Variants in TRAF1 observed in about 807,000 individuals in gnomAD.
TRAF1 encodes TNF receptor associated factor 1, also known as TNF receptor-associated factor 1.
TRAF1 carries 23 observed loss-of-function variants against 40.9 expected under a neutral mutation model. The observed-to-expected ratio is 0.56, with a 90% confidence interval of 0.40 to 0.80. The LOEUF is 0.80. Among genes scored for constraint, TRAF1 ranks in the 30% least tolerant of loss-of-function variants. The probability of loss-of-function intolerance (pLI) is 0.00; values close to 1 mark genes in which losing one functional copy is unlikely to be tolerated. For missense variants in TRAF1, 477 were observed against 528.7 expected (o/e 0.90, Z 0.96); for synonymous variants, 206 against 218.8 (o/e 0.94, Z 0.52).
At chr9:120,924,003 G>A (rs1383247836) in intron 2 of TRAF1, among the ~76,000 whole-genome samples, 6 of 152,148 alleles carry the variant, frequency 3.9e-5, no homozygotes, top group African/African-American at 1.4e-4. Context: ...CAAACCTGCC[G>A]TGACTGCACT....
intron 4 of TRAF1, 41 bp downstream of exon 4, chr9:120,914,194 C>T (rs111717347): frequency 1.4e-5 from 20 of 1,448,954 alleles, no homozygotes; most frequent in South Asian, 1.1e-4. Context: ...AGGTCTGGAA[C>T]CATAGTGGAT....
At chr9:120,918,016 A>G (rs1169615919) in intron 3 of TRAF1, among the ~76,000 whole-genome samples, 1 of 152,068 alleles carries the variant, frequency 6.6e-6, no homozygotes, top group African/African-American at 2.4e-5. Context: ...TCCTTTTAGG[A>G]AGGGGAAATT....
At chr9:120,914,147 G>A (rs1247002019) in intron 4 of TRAF1, 88 bp downstream of exon 4, 12 of 1,174,816 alleles carry the variant, frequency 1.0e-5, no homozygotes, top group African/African-American at 1.5e-5. Context: ...CTGATGTTAC[G>A]GGAAAATCAT....
rs1237987087 is a variant in TRAF1, at chr9:120,903,879, G to A, written c.*1141C>T. The stretch of plus-strand genomic sequence containing the variant: ...GCCTCTGATGCCACCTGCAAAACTG[G>A]TGGCACCACCTCAAACTCAGCAATG... On this transcript the variant is annotated 3_prime_UTR_variant, in exon 8 of 8. Transcript: ENST00000373887. 6.6e-6 allele frequency: 1 copy of A among 152,260 alleles called. No individual in the cohort carries two copies. The highest frequency in any genetic ancestry group is 2.4e-5 in the African/African-American group (1 of 41,446). 9.4% of individuals were successfully genotyped at this position (152,260 alleles called of 1,614,324 possible).
intron 3 of TRAF1, among the ~76,000 whole-genome samples, chr9:120,918,435 G>A (rs1588151788): frequency 2.6e-5 from 4 of 151,148 alleles, no homozygotes; most frequent in African/African-American, 4.9e-5. Flanking sequence ...AATACTAATA[G>A]TAGTAATACT....
intron 3 of TRAF1, among the ~76,000 whole-genome samples, chr9:120,919,322 T>G (rs1651131147): frequency 6.6e-6 from 1 of 152,236 alleles, no homozygotes; most frequent in Admixed American, 6.5e-5. Context: ...TGTCTGGGTC[T>G]GAGGAGTCTC....
chr9:120,926,223 G>T lies in TRAF1; in HGVS notation c.-148C>A. ...TTCTCTCTGGCTTGTGTGGTTCAAC[G>T]TCACAGCTGAGTCACAGCAGGGATG... On this transcript the variant is annotated 5_prime_UTR_variant, in exon 2 of 8. Coordinates refer to ENST00000373887, the MANE Select transcript of TRAF1 (RefSeq NM_005658.5). 2.3e-6 allele frequency: 2 copies of T among 853,032 alleles called. No individual in the cohort carries two copies. Among genetic ancestry groups the T allele is most frequent in the South Asian group, 4.5e-5 (2 of 44,274 alleles). 52.8% of individuals were successfully genotyped at this position (853,032 alleles called of 1,614,324 possible).
upstream of TRAF1, chr9:120,928,850 A>T (rs1489018279): frequency 1.3e-5 from 2 of 152,112 alleles, no homozygotes; most frequent in Admixed American, 1.3e-4. Context: ...ACCTCCACAT[A>T]TCCAGTTGCG....
At position 120,903,334 on chromosome 9, in the gene TRAF1, G is replaced by A. The variant is rs528751082; in HGVS notation, c.*1686C>T. The A allele has an allele frequency of 2.6e-5, 4 of 152,442 alleles. No homozygotes were observed. The South Asian group carries it at 8.3e-4, about 32-fold the overall frequency. The allele number at this position is 152,442 out of a possible 1,614,324, so 9.4% of individuals were successfully genotyped here. Reference sequence around the variant, plus strand: ...ACCCCTAGAGCTGGAGAGGGCAAGGGAGAGGCTTCCTCTGATCTTCAGCTG... The same window carrying A: ...ACCCCTAGAGCTGGAGAGGGCAAGGAAGAGGCTTCCTCTGATCTTCAGCTG... On this transcript the variant is annotated 3_prime_UTR_variant, in exon 8 of 8. Coordinates refer to ENST00000373887, the MANE Select transcript of TRAF1 (RefSeq NM_005658.5).
rs1417682125 is a variant in TRAF1, at chr9:120,925,979, G to A, written c.97C>T (p.Pro33Ser). The change falls in exon 2 of 8, where the codon CCC becomes TCC. Residue 33 changes from proline to serine, a missense_variant. Coordinates refer to ENST00000373887, the MANE Select transcript of TRAF1 (RefSeq NM_005658.5). ...PPTVCQDPKE[P>S]RALCCAGCLS... ...CAGCCTGCACAGCAGAGAGCCCTGG[G>A]CTCCTTTGGGTCCTGGCAGACGGTG... is the stretch of plus-strand genomic sequence containing the variant. The A allele has an allele frequency of 1.9e-6, 3 of 1,613,680 alleles. No homozygotes were observed. Among genetic ancestry groups the A allele is most frequent in the Non-Finnish European group, 2.5e-6 (3 of 1,179,808 alleles).
rs151037192 is a variant in TRAF1, at chr9:120,913,410, A to G, written c.623T>C (p.Val208Ala). 173 of 1,613,592 alleles carry G rather than the reference A, an allele frequency of 1.1e-4. No homozygotes were observed. The highest frequency in any genetic ancestry group is 1.4e-4 in the Non-Finnish European group (167 of 1,180,000). Reference sequence around the variant, plus strand: ...GGCCAGGGCCAGGTGGGAGGCCTCCACCTCCTTGTTGAGGACAGCAACAAT... The same window carrying G: ...GGCCAGGGCCAGGTGGGAGGCCTCCGCCTCCTTGTTGAGGACAGCAACAAT... ...ENIVAVLNKE[V>A]EASHLALATS... Residue 208 changes from valine to alanine, a missense_variant, in exon 5 of 8, where the codon GTG becomes GCG. By Grantham distance (64) the Val-to-Ala change is moderately conservative. Transcript: ENST00000373887.
At position 120,902,661 on chromosome 9, in the gene TRAF1, C is replaced by T. The variant is rs1359458024; in HGVS notation, c.*2359G>A. 6.6e-6 allele frequency: 1 copy of T among 152,208 alleles called. No homozygotes were observed. Among genetic ancestry groups the T allele is most frequent in the Admixed American group, 6.5e-5 (1 of 15,270 alleles). The allele number at this position is 152,208 out of a possible 1,614,324, so 9.4% of individuals were successfully genotyped here. On this transcript the variant is annotated 3_prime_UTR_variant, in exon 8 of 8. Transcript: ENST00000373887. ...TTCAAGTCGGTACTCTTCCCTTTTC[C>T]CCATCCTCTGCATTTCACAATATTC...
At position 120,926,027 on chromosome 9, in the gene TRAF1, C is replaced by T. The variant is rs2046638212; in HGVS notation, c.49G>A (p.Glu17Lys). The T allele has an allele frequency of 6.2e-7, 1 of 1,612,264 alleles. No homozygotes were observed. Residue 17 changes from glutamate to lysine, a missense_variant, in exon 2 of 8, where the codon GAG (glutamate) becomes AAG (lysine). By Grantham distance (56) the Glu-to-Lys change is moderately conservative. Coordinates refer to ENST00000373887, the MANE Select transcript of TRAF1 (RefSeq NM_005658.5). ...SSPRPAPDEN[E>K]FPFGCPPTVC... ...GTGGGAGGGCACCCAAAGGGAAACT[C>T]ATTCTCATCAGGGGCCGGGCGAGGA... is the stretch of plus-strand genomic sequence containing the variant.
chr9:120,919,760 A>T (rs796667346), intron 3 of TRAF1, among the ~76,000 whole-genome samples: 17 of 152,296 alleles, frequency 1.1e-4, no homozygotes, highest in African/African-American at 4.1e-4. Flanking sequence ...GGTTGAACAT[A>T]GTCTTGCCCA....
intron 7 of TRAF1, 23 bp from the exon 8 acceptor site, chr9:120,905,261 A>G: frequency 6.3e-7 from 1 of 1,584,194 alleles, no homozygotes; most frequent in South Asian, 1.1e-5. Context: ...GATAGGTGGG[A>G]GATCAGGCCC....
At chr9:120,911,242 T>C in intron 6 of TRAF1, 94 bp downstream of exon 6, 3 of 1,411,014 alleles carry the variant, frequency 2.1e-6, no homozygotes, top group Non-Finnish European at 2.9e-6. Context: ...ACACAGCGTG[T>C]CTGTCACAGA....
upstream of TRAF1, chr9:120,926,916 G>T (rs565333191): frequency 6.6e-6 from 1 of 152,200 alleles, no homozygotes; most frequent in East Asian, 1.9e-4. Context: ...AGAACAAAGC[G>T]CTAAACAAAT....
In TRAF1 at chr9:120,926,083, T is replaced by C; in HGVS notation, c.-8A>G. The C allele has an allele frequency of 6.4e-7, 1 of 1,570,700 alleles. No homozygotes were observed. The highest frequency in any genetic ancestry group is 2.3e-5 in the East Asian group (1 of 43,988). On this transcript the variant is annotated 5_prime_UTR_variant, in exon 2 of 8. Transcript: ENST00000373887. ...GCCTGAGCTGGAGGCCATCTCAGGG[T>C]TCCAGGCTGGCCAGAGGGCCTGTTT...
At chr9:120,907,169 A>G (rs77212698) in intron 7 of TRAF1, among the ~76,000 whole-genome samples, 3,228 of 152,266 alleles carry the variant, frequency 0.021, 56 homozygotes, top group Non-Finnish European at 0.029. Flanking sequence ...GCCTATCTTC[A>G]TAGCTTTGGC....
Sources: allele counts gnomAD v4.1 joint callset (sites outside exome capture counted in the v4.1 genomes callset), GRCh38; gene constraint gnomAD v4.1.1; transcripts MANE v1.5; gene names NCBI Gene and HGNC (gene_info 2026-07-23, HGNC 2026-07-21).